EPHA5: variants seen among roughly 807,000 people sequenced by gnomAD.
EPHA5 encodes the protein ephrin type-A receptor 5.
EPHA5 carries 60 observed loss-of-function variants against 105.0 expected under a neutral mutation model. The ratio of observed to expected loss-of-function variants is 0.57; its 90% CI spans 0.46 to 0.71. The LOEUF is 0.71. Among genes scored for constraint, EPHA5 ranks in the 30% least tolerant of loss-of-function variants. EPHA5 has a pLI of 0.00. For synonymous variants in EPHA5, 513 were observed against 449.1 expected, an observed-to-expected ratio of 1.14 and a Z score of -1.80; for missense variants, 1,218 against 1,274.7, an observed-to-expected ratio of 0.96 and a Z score of 0.68.
At chr4:65,403,229 T>A (rs1480456696) in intron 8 of EPHA5, among the ~76,000 whole-genome samples, 2 of 152,194 alleles carry the variant, frequency 1.3e-5, no homozygotes, top group African/African-American at 4.8e-5. Flanking sequence ...AAGGATATAA[T>A]CAAAAATCTT....
intron 5 of EPHA5, among the ~76,000 whole-genome samples, chr4:65,481,792 T>C (rs1730389175): frequency 1.3e-5 from 2 of 152,214 alleles, no homozygotes; most frequent in African/African-American, 4.8e-5. Context: ...TTCAAGCTGG[T>C]ATAAATATCT....
intron 3 of EPHA5, among the ~76,000 whole-genome samples, chr4:65,528,562 A>T (rs1735463212): frequency 6.6e-6 from 1 of 152,156 alleles, no homozygotes; most frequent in Non-Finnish European, 1.5e-5. Flanking sequence ...TTATTGTTTA[A>T]TTCACGAATT....
chr4:65,412,322 C>T (rs950821084), intron 7 of EPHA5, among the ~76,000 whole-genome samples: 9 of 152,112 alleles, frequency 5.9e-5, no homozygotes, highest in Admixed American at 2.0e-4. Flanking sequence ...TTCCTTTTGT[C>T]TGGAGAGAAG....
chr4:65,426,933 G>A (rs1724496144), intron 5 of EPHA5, among the ~76,000 whole-genome samples: 2 of 151,956 alleles, frequency 1.3e-5, no homozygotes, highest in African/African-American at 4.8e-5. Context: ...GAATAGGACA[G>A]GGAATAGTAA....
At chr4:65,599,940 T>C (rs115954498) in intron 3 of EPHA5, among the ~76,000 whole-genome samples, 5,667 of 152,180 alleles carry the variant, frequency 0.037, 141 homozygotes, top group Non-Finnish European at 0.054. Context: ...CCTCGAAACA[T>C]GGAGAGAGGC....
intron 3 of EPHA5, among the ~76,000 whole-genome samples, chr4:65,575,579 A>G (rs765508504): frequency 2.3e-4 from 35 of 152,180 alleles, no homozygotes; most frequent in Non-Finnish European, 4.3e-4. Context: ...TGAGCTTACA[A>G]TAAGATGCAG....
chr4:65,616,452 C>CAGAG (rs776118744), intron 2 of EPHA5, among the ~76,000 whole-genome samples: 1 of 147,026 alleles, frequency 6.8e-6, no homozygotes, highest in African/African-American at 2.7e-5. Context: ...CACACACACA[C>CAGAG]ACAGAGAGAG....
chr4:65,620,358 C>A (rs2149474956), intron 2 of EPHA5, among the ~76,000 whole-genome samples: 1 of 152,048 alleles, frequency 6.6e-6, no homozygotes, highest in East Asian at 1.9e-4. Flanking sequence ...CACACTGTTT[C>A]TATTTGATGA....
chr4:65,363,320 C>T (rs1049038577), intron 11 of EPHA5, among the ~76,000 whole-genome samples: 10 of 151,592 alleles, frequency 6.6e-5, no homozygotes, highest in African/African-American at 2.4e-4. Flanking sequence ...ATTCTCACCC[C>T]ATAGCATTAA....
At position 65,496,445 on chromosome 4, in the gene EPHA5, G is replaced by A. The variant is rs191210293; in HGVS notation, c.911-902C>T. 9.1e-5 allele frequency among the ~76,000 whole-genome samples: 13 copies of A among 143,626 alleles called. No individual in the cohort carries two copies. In the East Asian group the frequency reaches 2.6e-3, roughly 28 times the overall value. The allele number at this position is 143,626 out of a possible 152,430, so 94.2% of individuals were successfully genotyped here. On this transcript the variant is annotated intron_variant, in intron 3 of 16. Transcript: ENST00000613740. ...CTTCCTGTGTCCATGTGATCTCATT[G>A]TTCAATTCCCACTTATGAGTGAGAA...
chr4:65,434,648 C>A (rs1578110040), intron 5 of EPHA5, among the ~76,000 whole-genome samples: 1 of 152,032 alleles, frequency 6.6e-6, no homozygotes, highest in Admixed American at 6.6e-5. Context: ...TCCCTTTGCT[C>A]TTCCAAAGCA....
intron 15 of EPHA5, among the ~76,000 whole-genome samples, chr4:65,335,651 A>C (rs1474183508): frequency 3.1e-5 from 3 of 97,242 alleles, no homozygotes; most frequent in Non-Finnish European, 5.5e-5. Flanking sequence ...AAATACACAC[A>C]TTTAATTTTT....
intron 7 of EPHA5, among the ~76,000 whole-genome samples, chr4:65,406,975 A>G (rs17086195): frequency 0.07 from 10,664 of 151,904 alleles, 592 homozygotes; most frequent in African/African-American, 0.15. Flanking sequence ...TGTTTCTTTT[A>G]TGTTTCTCCC....
At chr4:65,369,948 C>G (rs184979096) in intron 8 of EPHA5, among the ~76,000 whole-genome samples, 1 of 152,122 alleles carries the variant, frequency 6.6e-6, no homozygotes, top group African/African-American at 2.4e-5. Flanking sequence ...GCCTCGGCCA[C>G]AGAGCTAGAC....
intron 3 of EPHA5, among the ~76,000 whole-genome samples, chr4:65,544,786 G>T (rs1226146584): frequency 4.6e-5 from 7 of 151,836 alleles, no homozygotes; most frequent in African/African-American, 2.4e-5. Flanking sequence ...TATATTAATT[G>T]CAGCACTGTT....
chr4:65,581,713 C>A (rs1741643491), intron 3 of EPHA5, among the ~76,000 whole-genome samples: 1 of 151,658 alleles, frequency 6.6e-6, no homozygotes, highest in Non-Finnish European at 1.5e-5. Context: ...ACTTTACTTC[C>A]TTAAATAAAA....
intron 3 of EPHA5, among the ~76,000 whole-genome samples, chr4:65,576,724 T>A (rs931928387): frequency 6.6e-6 from 1 of 152,188 alleles, no homozygotes; most frequent in African/African-American, 2.4e-5. Flanking sequence ...TATCACAGAC[T>A]TTGTCATATT....
chr4:65,500,896 G>T (rs549919240), intron 3 of EPHA5, among the ~76,000 whole-genome samples: 3 of 151,086 alleles, frequency 2.0e-5, no homozygotes, highest in Admixed American at 6.6e-5. Context: ...ATCGTTGTTT[G>T]CAGTGTACAA....
intron 3 of EPHA5, among the ~76,000 whole-genome samples, chr4:65,531,024 ATTTTT>A (rs1291125567): frequency 1.3e-5 from 1 of 77,222 alleles, no homozygotes; most frequent in Admixed American, 1.4e-4. Context: ...TATTTTTTTT[ATTTTT>A]TTTATTTTTT....
Sources: gnomAD v4.1 joint callset for allele counts (sites outside exome capture counted in the v4.1 genomes callset) on GRCh38, gnomAD v4.1.1 for gene constraint, MANE v1.5 for transcripts, NCBI Gene and HGNC (gene_info 2026-07-23, HGNC 2026-07-21) for gene names.